Variants in NOL4 observed in about 807,000 individuals in gnomAD.
NOL4 encodes the protein cancer/testis antigen 125.
Under a neutral mutation model 75.9 loss-of-function variants are expected in NOL4, and 17 were observed. That is an observed-to-expected ratio of 0.22 (90% CI 0.15 to 0.34). NOL4 has a LOEUF of 0.34. NOL4 is among the 10% of genes least tolerant of loss of function. The pLI is 1.00. For synonymous variants in NOL4, 292 were observed against 289.9 expected (o/e 1.01, Z -0.07); for missense variants, 614 against 793.5 (o/e 0.77, Z 2.72).
At chr18:33,964,255 A>C in intron 6 of NOL4, among the ~76,000 whole-genome samples, 1 of 152,146 alleles carries the variant, frequency 6.6e-6, no homozygotes, top group East Asian at 1.9e-4. Context: ...ACTGAAGATG[A>C]TTTAATTTTT....
At chr18:34,203,717 T>TCTCTCTCACACACACACA (rs1261546835) in intron 1 of NOL4, among the ~76,000 whole-genome samples, 8 of 72,260 alleles carry the variant, frequency 1.1e-4, no homozygotes, top group East Asian at 5.0e-4. Flanking sequence ...TCTCTCTCTC[T>TCTCTCTCACACACACACA]CACACACACA....
At chr18:33,983,617 C>T (rs1330277094) in intron 6 of NOL4, among the ~76,000 whole-genome samples, 1 of 151,826 alleles carries the variant, frequency 6.6e-6, no homozygotes, top group African/African-American at 2.4e-5. Flanking sequence ...TATATGCACA[C>T]ATATACACAT....
chr18:34,044,974 C>G (rs2076298916), intron 5 of NOL4, among the ~76,000 whole-genome samples: 1 of 152,188 alleles, frequency 6.6e-6, no homozygotes, highest in Non-Finnish European at 1.5e-5. Flanking sequence ...GCTCACCAGA[C>G]TGAGTGTTTT....
At chr18:33,881,295 AT>A (rs1441844112) in intron 10 of NOL4, among the ~76,000 whole-genome samples, 3 of 149,992 alleles carry the variant, frequency 2.0e-5, no homozygotes, top group Admixed American at 6.7e-5. Flanking sequence ...TAGATATACA[AT>A]CATGTCGTCT....
chr18:33,856,921 C>T (rs1027114948), intron 10 of NOL4, among the ~76,000 whole-genome samples: 11 of 151,882 alleles, frequency 7.2e-5, no homozygotes, highest in Non-Finnish European at 4.4e-5. Flanking sequence ...GTTAGTGTTC[C>T]TTTTCATCAA....
At chr18:34,100,791 G>A (rs2079011990) in intron 4 of NOL4, among the ~76,000 whole-genome samples, 2 of 152,122 alleles carry the variant, frequency 1.3e-5, no homozygotes, top group Non-Finnish European at 2.9e-5. Flanking sequence ...TTGGCCTTAT[G>A]TCTAGCTTAG....
At chr18:34,134,064 T>C (rs1413395922) in intron 1 of NOL4, among the ~76,000 whole-genome samples, 2 of 152,054 alleles carry the variant, frequency 1.3e-5, no homozygotes, top group Non-Finnish European at 2.9e-5. Flanking sequence ...CTCAGCTTCT[T>C]TAAAACACAT....
chr18:34,078,510 C>A (rs956753299), intron 5 of NOL4, among the ~76,000 whole-genome samples: 2 of 152,170 alleles, frequency 1.3e-5, no homozygotes, highest in Admixed American at 1.3e-4. Flanking sequence ...AGATCAATTA[C>A]TTCCCACAAG....
chr18:33,944,272 CT>C (rs1421665192), intron 8 of NOL4, among the ~76,000 whole-genome samples: 1 of 151,708 alleles, frequency 6.6e-6, no homozygotes, highest in South Asian at 2.1e-4. Flanking sequence ...TGAAACAAAC[CT>C]TTTTTATACA....
At chr18:33,999,826 A>AT (rs1478285526) in intron 6 of NOL4, among the ~76,000 whole-genome samples, 2 of 151,750 alleles carry the variant, frequency 1.3e-5, no homozygotes, top group African/African-American at 2.4e-5. Context: ...TAATTGTTGT[A>AT]TTTTTTTAGT....
intron 5 of NOL4, among the ~76,000 whole-genome samples, chr18:34,022,779 T>C (rs571199817): frequency 5.3e-5 from 8 of 152,160 alleles, no homozygotes; most frequent in South Asian, 2.1e-4. Context: ...AAAATCTACG[T>C]TAGCATAAGA....
intron 9 of NOL4, among the ~76,000 whole-genome samples, chr18:33,931,316 C>T (rs770040415): frequency 1.6e-4 from 25 of 152,240 alleles, no homozygotes; most frequent in Admixed American, 6.5e-4. Flanking sequence ...CATTGGGGAA[C>T]TCTATAGCAG....
intron 9 of NOL4, among the ~76,000 whole-genome samples, chr18:33,890,859 G>A (rs1341007192): frequency 6.6e-6 from 1 of 151,958 alleles, no homozygotes; most frequent in Non-Finnish European, 1.5e-5. Context: ...TAAAGAAATA[G>A]TGGTAGAGAA....
intron 9 of NOL4, among the ~76,000 whole-genome samples, chr18:33,887,071 T>C (rs1425537005): frequency 7.1e-6 from 1 of 140,506 alleles, no homozygotes; most frequent in African/African-American, 2.6e-5. Flanking sequence ...ATATATAATA[T>C]ATATATCTAT....
chr18:34,005,029 T>C (rs2073957281), intron 6 of NOL4, among the ~76,000 whole-genome samples: 1 of 152,118 alleles, frequency 6.6e-6, no homozygotes, highest in African/African-American at 2.4e-5. Context: ...GAAAAGTAAA[T>C]GTTGAGATAC....
At chr18:33,858,325 A>G (rs1438426271) in intron 10 of NOL4, among the ~76,000 whole-genome samples, 1 of 151,876 alleles carries the variant, frequency 6.6e-6, no homozygotes, top group Non-Finnish European at 1.5e-5. Context: ...TTCATTTCTT[A>G]TTTTTGTGAT....
intron 1 of NOL4, among the ~76,000 whole-genome samples, chr18:34,140,471 G>C (rs962202157): frequency 1.3e-5 from 2 of 151,818 alleles, no homozygotes; most frequent in Admixed American, 1.3e-4. Flanking sequence ...GTTGGTTTAA[G>C]GTCTGTTTTA....
intron 5 of NOL4, among the ~76,000 whole-genome samples, chr18:34,049,070 G>A (rs1278245889): frequency 2.3e-5 from 1 of 44,050 alleles, no homozygotes; most frequent in Non-Finnish European, 4.6e-5. Flanking sequence ...AGATACAGGC[G>A]CGCGCACACA....
intron 5 of NOL4, among the ~76,000 whole-genome samples, chr18:34,067,489 C>A (rs1368538632): frequency 6.6e-6 from 1 of 152,058 alleles, no homozygotes; most frequent in African/African-American, 2.4e-5. Flanking sequence ...AGAGTAGAAG[C>A]AAGGAGATCA....
Sources: gnomAD v4.1 joint callset for allele counts (sites outside exome capture counted in the v4.1 genomes callset) on GRCh38, gnomAD v4.1.1 for gene constraint, MANE v1.5 for transcripts, NCBI Gene and HGNC (gene_info 2026-07-23, HGNC 2026-07-21) for gene names.